Variants in GPI observed in about 807,000 individuals in gnomAD.
GPI encodes the protein glucose-6-phosphate isomerase.
In GPI, 56 loss-of-function variants were observed where a neutral mutation model predicts 75.8. That is an observed-to-expected ratio of 0.74 (90% CI 0.60 to 0.92). The LOEUF (loss-of-function observed/expected upper bound fraction) is 0.92, where lower values mean the gene tolerates loss of function less well. GPI is among the 40% of genes least tolerant of loss of function. The probability of loss-of-function intolerance (pLI) is 0.00; values close to 1 mark genes in which losing one functional copy is unlikely to be tolerated. For missense variants in GPI, 638 were observed against 741.0 expected, an observed-to-expected ratio of 0.86 and a Z score of 1.61; for synonymous variants, 288 against 285.4, an observed-to-expected ratio of 1.01 and a Z score of -0.09.
chr19:34,366,215 C>T (rs775475778), intron 1 of GPI, 130 bp from the exon 2 acceptor site: 8 of 738,220 alleles, frequency 1.1e-5, no homozygotes, highest in Non-Finnish European at 2.0e-5. Flanking sequence ...CACCACTGTG[C>T]TGGGTGGCCG....
intron 4 of GPI, among the ~76,000 whole-genome samples, chr19:34,376,165 T>G (rs1282528427): frequency 6.6e-6 from 1 of 152,192 alleles, no homozygotes; most frequent in African/African-American, 2.4e-5. Flanking sequence ...GGCTCACGCC[T>G]GTAATCCCAA....
chr19:34,377,301 C>CAA (rs1169701523), intron 4 of GPI, among the ~76,000 whole-genome samples: 8 of 15,468 alleles, frequency 5.2e-4, no homozygotes, highest in Non-Finnish European at 6.9e-4. Flanking sequence ...GGCTTCATCT[C>CAA]AAAAAAAAAA....
chr19:34,361,240 G>A (rs1266482554), upstream of GPI, among the ~76,000 whole-genome samples: 4 of 152,032 alleles, frequency 2.6e-5, no homozygotes, highest in Admixed American at 2.6e-4. Flanking sequence ...ACAGGTGCCC[G>A]CCACCACGTC....
intron 14 of GPI, chr19:34,397,134 A>C (rs985913997): frequency 4.4e-6 from 1 of 227,070 alleles, no homozygotes; most frequent in Admixed American, 5.1e-5. Flanking sequence ...CTGAAGCTCA[A>C]ATATCCAGCA....
chr19:34,397,759 G>C (rs556731574), intron 14 of GPI: 1 of 149,060 alleles, frequency 6.7e-6, no homozygotes, highest in Non-Finnish European at 1.5e-5. Flanking sequence ...CTCCTGCCTC[G>C]GCCTCCCAAA....
At chr19:34,369,505 G>A (rs535691713) in intron 4 of GPI, among the ~76,000 whole-genome samples, 13 of 151,964 alleles carry the variant, frequency 8.6e-5, no homozygotes, top group African/African-American at 1.7e-4. Flanking sequence ...TAAGGAGTTC[G>A]AGACCAGCCT....
intron 12 of GPI, 148 bp from the exon 13 acceptor site, chr19:34,396,153 G>A: frequency 1.3e-6 from 1 of 761,866 alleles, no homozygotes; most frequent in Non-Finnish European, 2.2e-6. Flanking sequence ...AATCAGGCTG[G>A]TCTCAAACTT....
At position 34,393,433 on chromosome 19, in the gene GPI, G is replaced by T; in HGVS notation, c.865+125G>T. On this transcript the variant is annotated intron_variant, in intron 10 of 17. Transcript: ENST00000356487. The surrounding 1 kb of genome is among the most constrained non-coding windows in gnomAD (Gnocchi z 4.4). ...CAGGCTGCTGGCCTCTCTGCAGCTG[G>T]CTGGGATATTTATTTCATGTCCAGA... is the stretch of plus-strand genomic sequence containing the variant. 2.3e-6 allele frequency: 2 copies of T among 856,154 alleles called. No homozygotes were observed. Among genetic ancestry groups the T allele is most frequent in the South Asian group, 2.7e-5 (2 of 74,344 alleles). 53.0% of individuals were successfully genotyped at this position (856,154 alleles called of 1,614,324 possible).
In GPI at chr19:34,401,271, G is replaced by A. The variant is rs2075018604; in HGVS notation, c.*1235G>A. The A allele has an allele frequency of 6.6e-6, 1 of 151,712 alleles. No homozygotes were observed. Among genetic ancestry groups the A allele is most frequent in the South Asian group, 2.1e-4 (1 of 4,808 alleles). 9.4% of individuals were successfully genotyped at this position (151,712 alleles called of 1,614,324 possible). On this transcript the variant is annotated 3_prime_UTR_variant, in exon 18 of 18. Transcript: ENST00000356487. ...CTCGCTCTGTCGCCCAAGCTGGAGT[G>A]CAGTAGCACGGTCTCAGCTCATTGC...
upstream of GPI, among the ~76,000 whole-genome samples, chr19:34,362,764 C>CTAGA (rs1292236848): frequency 6.6e-6 from 1 of 152,192 alleles, no homozygotes; most frequent in African/African-American, 2.4e-5. Context: ...AGACCAGGGG[C>CTAGA]TAGAGCTCAG....
At chr19:34,366,537 C>T (rs2074368242) in intron 2 of GPI, 102 bp downstream of exon 2, 3 of 837,008 alleles carry the variant, frequency 3.6e-6, no homozygotes, top group Admixed American at 3.4e-5. Context: ...AGTTCTTCCT[C>T]TCATTAGACC....
At chr19:34,377,432 A>G (rs2074563349) in intron 4 of GPI, 71 bp from the exon 5 acceptor site, 1 of 1,106,024 alleles carries the variant, frequency 9.0e-7, no homozygotes, top group African/African-American at 1.6e-5. Context: ...AGGACACGGC[A>G]GTAATGATGT....
chr19:34,385,514 A>C (rs1205122767), intron 9 of GPI, among the ~76,000 whole-genome samples: 1 of 152,060 alleles, frequency 6.6e-6, no homozygotes, highest in East Asian at 1.9e-4. Flanking sequence ...CTTCGGGTCT[A>C]TCAGGTCTGA....
intron 8 of GPI, chr19:34,380,779 C>G (rs1365158264): frequency 5.8e-6 from 1 of 173,224 alleles, no homozygotes; most frequent in Non-Finnish European, 1.3e-5. Context: ...ACCCACATCT[C>G]CCTCCCACCC....
chr19:34,390,351 T>C (rs1481239004), intron 9 of GPI, among the ~76,000 whole-genome samples: 3 of 152,040 alleles, frequency 2.0e-5, no homozygotes, highest in Non-Finnish European at 4.4e-5. Context: ...TGCTGGGTCT[T>C]TCATTGTCCA....
At chr19:34,381,343 C>G in intron 8 of GPI, 123 bp from the exon 9 acceptor site, 1 of 781,764 alleles carries the variant, frequency 1.3e-6, no homozygotes, top group Non-Finnish European at 2.3e-6. Flanking sequence ...TGCCCCATCC[C>G]TGGCTCTGGG....
At chr19:34,386,229 C>T (rs2074732848) in intron 9 of GPI, among the ~76,000 whole-genome samples, 1 of 151,830 alleles carries the variant, frequency 6.6e-6, no homozygotes, top group Non-Finnish European at 1.5e-5. Context: ...CAGGGTCAAG[C>T]ACAGGTATGT....
At chr19:34,383,290 A>G (rs1420706558) in intron 9 of GPI, among the ~76,000 whole-genome samples, 1 of 152,176 alleles carries the variant, frequency 6.6e-6, no homozygotes, top group African/African-American at 2.4e-5. Context: ...AGGACAGGAG[A>G]GGGACCCATA....
chr19:34,367,080 G>A (rs1233146597), intron 3 of GPI: 1 of 685,044 alleles, frequency 1.5e-6, no homozygotes. Context: ...TGCCTGGGAG[G>A]AGCATATCTC....
Sources: allele counts gnomAD v4.1 joint callset (sites outside exome capture counted in the v4.1 genomes callset), GRCh38; gene constraint gnomAD v4.1.1; non-coding constraint Gnocchi (gnomAD v3.1); transcripts MANE v1.5; gene names NCBI Gene and HGNC (gene_info 2026-07-23, HGNC 2026-07-21).